RADIL: variants seen among roughly 807,000 people sequenced by gnomAD.
RADIL encodes the protein ras-associating and dilute domain-containing protein.
RADIL carries 99 observed loss-of-function variants against 97.6 expected under a neutral mutation model. The ratio of observed to expected loss-of-function variants is 1.01; its 90% CI spans 0.86 to 1.20. The LOEUF is 1.20. Ranked by LOEUF, RADIL falls within the 50% of genes most tolerant of loss-of-function variation. RADIL has a pLI of 0.00. For synonymous variants in RADIL, 803 were observed against 691.8 expected (o/e 1.16, Z -2.52); for missense variants, 1,765 against 1,498.9 (o/e 1.18, Z -2.93).
At chr7:4,820,539 C>G (rs528614048) in intron 6 of RADIL, among the ~76,000 whole-genome samples, 9 of 152,344 alleles carry the variant, frequency 5.9e-5, no homozygotes, top group South Asian at 2.1e-4. Flanking sequence ...TTGACACTAC[C>G]CCCACATATT....
intron 13 of RADIL, 38 bp downstream of exon 13, chr7:4,800,133 C>G (rs1214098292): frequency 1.3e-6 from 2 of 1,549,206 alleles, no homozygotes; most frequent in South Asian, 2.3e-5. Flanking sequence ...GGCCAGGCAG[C>G]CAGTATGGGG....
chr7:4,877,002 C>T lies in RADIL; in HGVS notation c.535+603G>A, dbSNP rs570589900. Among the ~76,000 whole-genome samples, 8 of 152,326 alleles carry T rather than the reference C, an allele frequency of 5.3e-5. No individual in the cohort carries two copies. The South Asian group carries it at 6.2e-4, about 12-fold the overall frequency. On this transcript the variant is annotated intron_variant, in intron 2 of 14. Transcript: ENST00000399583. ...GGGACCCTGTATTTAACAAGGCGTGCGTGGTTGCTATGGTCAATGAGATGA... is the reference window on the plus strand; with the variant it reads ...GGGACCCTGTATTTAACAAGGCGTGTGTGGTTGCTATGGTCAATGAGATGA...
At position 4,872,262 on chromosome 7, in the gene RADIL, A is replaced by G. The variant is rs1474010438; in HGVS notation, c.535+5343T>C. Among the ~76,000 whole-genome samples, 2 of 152,158 alleles carry G rather than the reference A, an allele frequency of 1.3e-5. No homozygotes were observed. The highest frequency in any genetic ancestry group is 3.9e-4 in the East Asian group (2 of 5,186). On this transcript the variant is annotated intron_variant, in intron 2 of 14. Coordinates refer to ENST00000399583, the MANE Select transcript of RADIL (RefSeq NM_018059.5). The surrounding 1 kb of genome is among the most constrained non-coding windows in gnomAD (Gnocchi z 5.8). ...TCTGCAGACATCTTTGGTTGTTACA[A>G]CTTGGGGGTGGGGGCACAGGAGCCA...
rs1783468956 is a variant in RADIL at position 4,842,628 on chromosome 7, T to G, written c.536-6023A>C. Among the ~76,000 whole-genome samples the G allele has an allele frequency of 1.3e-5, 2 of 152,064 alleles. No individual in the cohort carries two copies. Among genetic ancestry groups the G allele is most frequent in the South Asian group, 2.1e-4 (1 of 4,830 alleles). On this transcript the variant is annotated intron_variant, in intron 2 of 14. Transcript: ENST00000399583. The surrounding 1 kb of genome is among the most constrained non-coding windows in gnomAD (Gnocchi z 4.5). ...CAGGCTCTTCCTGAACGTTGCTCAATTCCTCTATAAACTCAGCCGGCAGCT... is the reference window on the plus strand; with the variant it reads ...CAGGCTCTTCCTGAACGTTGCTCAAGTCCTCTATAAACTCAGCCGGCAGCT...
At chr7:4,865,615 G>C (rs546481285) in intron 2 of RADIL, 3 of 826,986 alleles carry the variant, frequency 3.6e-6, no homozygotes, top group African/African-American at 3.3e-5. Flanking sequence ...TGCTCCTTTC[G>C]ATGGTCACCA....
chr7:4,855,620 TAAAAAAAAA>T (rs760588803), intron 2 of RADIL, among the ~76,000 whole-genome samples: 9 of 88,172 alleles, frequency 1.0e-4, no homozygotes, highest in East Asian at 3.6e-4. Context: ...TTTATTTTTG[TAAAAAAAAA>T]AAAAAAAAAA....
Position 4,846,333 on chromosome 7 carries a change from G to C in RADIL, c.536-9728C>G, listed in dbSNP as rs144817935. Among the ~76,000 whole-genome samples, 12 of 151,958 alleles carry C rather than the reference G, an allele frequency of 7.9e-5. No homozygotes were observed. In the East Asian group the frequency reaches 2.3e-3, roughly 30 times the overall value. On this transcript the variant is annotated intron_variant, in intron 2 of 14. Coordinates refer to ENST00000399583, the MANE Select transcript of RADIL (RefSeq NM_018059.5). ...AGCTAATTTTTATATTTTTAGGAGA[G>C]ACGGGGTTTCACCATGTTGTCCAGT...
In RADIL at chr7:4,838,945, ATGCACACG is replaced by A. The variant is rs376095014; in HGVS notation, c.536-2348_536-2341del. 4.0e-3 allele frequency among the ~76,000 whole-genome samples: 614 copies of A among 151,940 alleles called. 4 individuals carry two copies. Among genetic ancestry groups the A allele is most frequent in the African/African-American group, 0.011 (467 of 41,530 alleles). ...GACCCGTGCACTCGTGCACACATGC[ATGCACACG>A]TGCACACGTGCACACGTACATTCAG... On this transcript the variant is annotated intron_variant, in intron 2 of 14. Transcript: ENST00000399583.
rs759875092 is a variant in RADIL at position 4,801,759 on chromosome 7, A to G, written c.2736T>C (p.Pro912=). Residue 912 remains proline (P), a synonymous_variant, in exon 12 of 15, where the codon CCT becomes CCC. Transcript: ENST00000399583. ...CTGGCCAGTCGGGGTCCCCAGGCTC[A>G]GGGCCAAGTGGAGTGCTGGGAGGCG... The part of the protein sequence containing the change: ...LLTPPSTPLG[P]EPGDPDWPES... 1.9e-6 allele frequency: 3 copies of G among 1,610,224 alleles called. No homozygotes were observed. Among genetic ancestry groups the G allele is most frequent in the Non-Finnish European group, 2.5e-6 (3 of 1,179,060 alleles).
intron 2 of RADIL, among the ~76,000 whole-genome samples, chr7:4,865,015 A>G (rs1423282038): frequency 6.6e-6 from 1 of 152,212 alleles, no homozygotes; most frequent in Non-Finnish European, 1.5e-5. Flanking sequence ...ACCAGCTGCA[A>G]TGGCCTTCTT....
Position 4,834,720 on chromosome 7 carries a change from T to G in RADIL, c.1303A>C (p.Thr435Pro). 5 of 1,406,712 alleles carry G rather than the reference T, an allele frequency of 3.6e-6. No individual in the cohort carries two copies. The highest frequency in any genetic ancestry group is 4.7e-6 in the Non-Finnish European group (5 of 1,073,122). The allele number at this position is 1,406,712 out of a possible 1,614,324, so 87.1% of individuals were successfully genotyped here. Residue 435 changes from threonine to proline, a missense_variant, in exon 4 of 15, where the codon ACC (threonine) becomes CCC (proline). By Grantham distance (38) the Thr-to-Pro change is conservative (BLOSUM62 -1). Coordinates refer to ENST00000399583, the MANE Select transcript of RADIL (RefSeq NM_018059.5). This position sits in a 1 kb window ranked among gnomAD's most constrained non-coding sequence, Gnocchi z 6.0. ...IEPGGDDHKL[T>P]PAFLLCLCIQ... is the part of the protein sequence containing the mutation. The stretch of plus-strand genomic sequence containing the variant: ...CAGAGGCACAGGAGGAAGGCGGGGG[T>G]CAGCTTGTGGTCGTCGCCCCCCGGC...
In RADIL at chr7:4,819,092, G is replaced by C. The variant is rs1001709302; in HGVS notation, c.1616-1741C>G. The stretch of plus-strand genomic sequence containing the variant: ...TCTCTCTTTTTTTTTTTTTTTTAAA[G>C]ACAGAGTCTCACTCTGTCGCCCAGG... On this transcript the variant is annotated intron_variant, in intron 6 of 14. Coordinates refer to ENST00000399583, the MANE Select transcript of RADIL (RefSeq NM_018059.5). The surrounding 1 kb of genome is among the most constrained non-coding windows in gnomAD (Gnocchi z 5.8). Among the ~76,000 whole-genome samples the C allele has an allele frequency of 7.4e-6, 1 of 135,240 alleles. No homozygotes were observed. Among genetic ancestry groups the C allele is most frequent in the African/African-American group, 2.9e-5 (1 of 34,416 alleles). 88.7% of individuals were successfully genotyped at this position (135,240 alleles called of 152,430 possible).
Position 4,834,739 on chromosome 7 carries a change from C to T in RADIL, c.1284G>A (p.Gly428=), listed in dbSNP as rs1783246217. 7.1e-7 allele frequency: 1 copy of T among 1,410,950 alleles called. No homozygotes were observed. The allele number at this position is 1,410,950 out of a possible 1,614,324, so 87.4% of individuals were successfully genotyped here. ...LQRIMTLIEP[G]GDDHKLTPAF... ...CGGGGGTCAGCTTGTGGTCGTCGCC[C>T]CCCGGCTCGATCAACGTCATGATCC... is the stretch of plus-strand genomic sequence containing the variant. Residue 428 remains glycine, a synonymous_variant, in exon 4 of 15, where the codon GGG becomes GGA. Transcript: ENST00000399583. This position sits in a 1 kb window ranked among gnomAD's most constrained non-coding sequence, Gnocchi z 6.0.
intron 2 of RADIL, among the ~76,000 whole-genome samples, chr7:4,846,297 C>T (rs541425811): frequency 6.6e-6 from 1 of 152,012 alleles, no homozygotes; most frequent in African/African-American, 2.4e-5. Flanking sequence ...CGGGTGCCTG[C>T]CTCCATGCCC....
Position 4,831,160 on chromosome 7 carries a change from T to C in RADIL, c.1454+981A>G, listed in dbSNP as rs189156627. Reference sequence around the variant, plus strand: ...GAGCCGAGATCTCATTATTGCACTCTAGCCTGGGCAACAAGAGCGAAACCC... The same window carrying C: ...GAGCCGAGATCTCATTATTGCACTCCAGCCTGGGCAACAAGAGCGAAACCC... On this transcript the variant is annotated intron_variant, in intron 5 of 14. Coordinates refer to ENST00000399583, the MANE Select transcript of RADIL (RefSeq NM_018059.5). Among the ~76,000 whole-genome samples the C allele has an allele frequency of 4.1e-5, 6 of 148,092 alleles. No homozygotes were observed. In the East Asian group the frequency reaches 1.2e-3, roughly 30 times the overall value.
intron 5 of RADIL, among the ~76,000 whole-genome samples, chr7:4,829,189 G>A (rs1438966868): frequency 6.6e-6 from 1 of 152,220 alleles, no homozygotes; most frequent in East Asian, 1.9e-4. Context: ...CCTCCTTGCC[G>A]TGGGTCAGGC....
At position 4,817,572 on chromosome 7, in the gene RADIL, A is replaced by G. The variant is rs367600192; in HGVS notation, c.1616-221T>C. 3.8e-4 allele frequency among the ~76,000 whole-genome samples: 58 copies of G among 152,238 alleles called. No homozygotes were observed. The highest frequency in any genetic ancestry group is 1.3e-3 in the African/African-American group (54 of 41,552). On this transcript the variant is annotated intron_variant, in intron 6 of 14. Transcript: ENST00000399583. This position sits in a 1 kb window ranked among gnomAD's most constrained non-coding sequence, Gnocchi z 8.3. ...TGGGGAGGGGAATGCCGGGAGGGGC[A>G]GGAGGGGTCCAGACACCCAACATCT...
chr7:4,853,849 ATTTAC>A (rs1783766766), intron 2 of RADIL, among the ~76,000 whole-genome samples: 2 of 151,952 alleles, frequency 1.3e-5, no homozygotes, highest in South Asian at 4.1e-4. Flanking sequence ...TATCATTGCC[ATTTAC>A]TAGACATTCT....
Position 4,799,687 on chromosome 7 carries a change from A to G in RADIL, c.3065T>C (p.Leu1022Pro), listed in dbSNP as rs1401922579. 1.3e-6 allele frequency: 2 copies of G among 1,586,780 alleles called. No homozygotes were observed. Among genetic ancestry groups the G allele is most frequent in the Admixed American group, 1.8e-5 (1 of 55,442 alleles). The change falls in exon 14 of 15, where the codon CTG becomes CCG. Residue 1022 changes from leucine (L) to proline (P), a missense_variant. Transcript: ENST00000399583. Reference sequence around the variant, plus strand: ...ATTCACCTCCAGGATACGGTCCCCCAGCGACAGGCGCCCGTCGGCCGCTGC... The same window carrying G: ...ATTCACCTCCAGGATACGGTCCCCCGGCGACAGGCGCCCGTCGGCCGCTGC... ...SPAAADGRLS[L>P]GDRILEVNGS...
Sources: gnomAD v4.1 joint callset for allele counts (sites outside exome capture counted in the v4.1 genomes callset) on GRCh38, gnomAD v4.1.1 for gene constraint, Gnocchi (gnomAD v3.1) non-coding constraint, MANE v1.5 for transcripts, NCBI Gene and HGNC (gene_info 2026-07-23, HGNC 2026-07-21) for gene names.